The following SYNE3 variants were observed in gnomAD, a reference collection of about 807,000 sequenced individuals.
SYNE3 encodes the protein nesprin-3.
In SYNE3, 100 loss-of-function variants were observed where a neutral mutation model predicts 111.2. That is an observed-to-expected ratio of 0.90 (90% CI 0.77 to 1.06). The LOEUF (loss-of-function observed/expected upper bound fraction) is 1.06, where lower values mean the gene tolerates loss of function less well. Among genes scored for constraint, SYNE3 ranks in the 50% least tolerant of loss-of-function variants. The pLI is 0.00. For synonymous variants in SYNE3, 547 were observed against 533.9 expected, an observed-to-expected ratio of 1.02 and a Z score of -0.34; for missense variants, 1,160 against 1,240.3, an observed-to-expected ratio of 0.94 and a Z score of 0.97.
At chr14:95,444,191 T>C (rs999042833) in intron 10 of SYNE3, 1 of 446,960 alleles carries the variant, frequency 2.2e-6, no homozygotes, top group Non-Finnish European at 3.9e-6. Flanking sequence ...TCATTAAGAA[T>C]ACTTAGCAAA....
intron 1 of SYNE3, among the ~76,000 whole-genome samples, 122 bp downstream of exon 1, chr14:95,516,474 T>C (rs904688782): frequency 5.3e-5 from 8 of 151,226 alleles, no homozygotes; most frequent in African/African-American, 1.9e-4. Flanking sequence ...CCCCAGACTT[T>C]CGGCGCCCCC....
intron 17 of SYNE3, among the ~76,000 whole-genome samples, chr14:95,427,243 A>G (rs563536533): frequency 1.3e-5 from 2 of 152,180 alleles, no homozygotes; most frequent in South Asian, 4.1e-4. Context: ...ATTGTCAAGC[A>G]GACCGTGGTC....
At chr14:95,458,384 G>A (rs1001310562) in intron 4 of SYNE3, among the ~76,000 whole-genome samples, 1 of 152,196 alleles carries the variant, frequency 6.6e-6, no homozygotes, top group African/African-American at 2.4e-5. Context: ...CATCCATATG[G>A]TATGGTTAAT....
In SYNE3 at chr14:95,467,877, G is replaced by T. The variant is rs767609293; in HGVS notation, c.235C>A (p.Gln79Lys). The T allele has an allele frequency of 7.4e-6, 12 of 1,614,188 alleles. 1 individual carries two copies. The highest frequency in any genetic ancestry group is 3.3e-4 in the Middle Eastern group (2 of 6,062). ...EALLACCPGD[Q>K]KPGILARLKD... ...AGCCGGGCCAGGATCCCGGGCTTCTGGTCCCCAGGGCAGCATGCCAAGAGG... is the reference window on the plus strand; with the variant it reads ...AGCCGGGCCAGGATCCCGGGCTTCTTGTCCCCAGGGCAGCATGCCAAGAGG... The change falls in exon 3 of 18, where the codon CAG (glutamine) becomes AAG (lysine). Residue 79 changes from glutamine to lysine, a missense_variant. Physicochemically the swap from Gln to Lys is moderately conservative, Grantham distance 53. Coordinates refer to ENST00000682763, the MANE Select transcript of SYNE3 (RefSeq NM_152592.6).
intron 1 of SYNE3, among the ~76,000 whole-genome samples, chr14:95,492,861 A>T (rs568915436): frequency 6.6e-6 from 1 of 152,060 alleles, no homozygotes; most frequent in African/African-American, 2.4e-5. Context: ...ATTTTTTTTT[A>T]AAGCACTGAA....
chr14:95,481,442 C>A (rs750902853), intron 1 of SYNE3, among the ~76,000 whole-genome samples: 11 of 152,144 alleles, frequency 7.2e-5, no homozygotes, highest in Non-Finnish European at 1.2e-4. Context: ...AGAGATCAAC[C>A]CCTACGCTAG....
intron 8 of SYNE3, among the ~76,000 whole-genome samples, chr14:95,448,744 C>T (rs962818967): frequency 3.9e-5 from 6 of 152,290 alleles, no homozygotes; most frequent in Admixed American, 2.0e-4. Context: ...AAGCCCCAAG[C>T]GGAAAATCAC....
rs553048913 is a variant in SYNE3, at chr14:95,485,288, G to T, written c.-14-9453C>A. On this transcript the variant is annotated intron_variant, in intron 1 of 17. Transcript: ENST00000682763. The surrounding 1 kb of genome is among the most constrained non-coding windows in gnomAD (Gnocchi z 4.3). ...TGCATCAGTCACTTCTGTTTCTGAA[G>T]AGCAGAGCAGGCTTCCTCCTCTTGG... Among the ~76,000 whole-genome samples the T allele has an allele frequency of 2.0e-5, 3 of 152,304 alleles. No homozygotes were observed. Among genetic ancestry groups the T allele is most frequent in the African/African-American group, 7.2e-5 (3 of 41,548 alleles).
In SYNE3 at chr14:95,417,873, GGGCGAAGTTGTT is replaced by G. The variant is rs1187443046; in HGVS notation, c.2869_2880del (p.Asn957_Ala960del). On this transcript the variant is annotated inframe_deletion, in exon 18 of 18. Transcript: ENST00000682763. ...TAGCGCAGCATGAGCGTGAAGGAGC[GGGCGAAGTTGTT>G]GGCCAGGGTGCAGCTGCGGTCCTCT... is the stretch of plus-strand genomic sequence containing the variant. 1.9e-6 allele frequency: 3 copies of G among 1,614,238 alleles called. No homozygotes were observed. The East Asian group carries it at 6.7e-5, about 36-fold the overall frequency.
rs1253427551 is a variant in SYNE3, at chr14:95,415,632, T to C, written c.*2194A>G. Reference sequence around the variant, plus strand: ...GGATGGAGAGTCTACAGGGCTTGTTTTCCAAAGAAAAGTGTTGTTTGGAGG... The same window carrying C: ...GGATGGAGAGTCTACAGGGCTTGTTCTCCAAAGAAAAGTGTTGTTTGGAGG... On this transcript the variant is annotated 3_prime_UTR_variant, in exon 18 of 18. Transcript: ENST00000682763. 6.6e-6 allele frequency: 1 copy of C among 151,980 alleles called. No homozygotes were observed. Among genetic ancestry groups the C allele is most frequent in the African/African-American group, 2.4e-5 (1 of 41,350 alleles). 9.4% of individuals were successfully genotyped at this position (151,980 alleles called of 1,614,324 possible). A position where few individuals can be genotyped will look rare whatever the true frequency, so the allele number is the denominator to read the frequency against.
chr14:95,435,622 A>AG (rs556605632), intron 15 of SYNE3, among the ~76,000 whole-genome samples: 3 of 152,140 alleles, frequency 2.0e-5, no homozygotes, highest in Non-Finnish European at 4.4e-5. Context: ...AGAAAAAAAA[A>AG]TAAGGTTAGA....
chr14:95,453,283 G>A (rs189682535), intron 6 of SYNE3, among the ~76,000 whole-genome samples: 1 of 152,318 alleles, frequency 6.6e-6, no homozygotes, highest in East Asian at 1.9e-4. Context: ...AATCCCAGGA[G>A]GCAGCCTTGT....
At chr14:95,445,662 G>A (rs1370505224) in intron 9 of SYNE3, among the ~76,000 whole-genome samples, 2 of 152,244 alleles carry the variant, frequency 1.3e-5, no homozygotes, top group African/African-American at 2.4e-5. Context: ...TGATTGCAGG[G>A]GGTTTGGGGA....
chr14:95,449,864 A>G, intron 8 of SYNE3, 67 bp downstream of exon 8: 1 of 1,514,802 alleles, frequency 6.6e-7, no homozygotes, highest in Non-Finnish European at 8.9e-7. Flanking sequence ...CCTGGGAGAG[A>G]GACTGAAACA....
At chr14:95,473,208 T>G (rs1888642131) in intron 2 of SYNE3, among the ~76,000 whole-genome samples, 1 of 152,090 alleles carries the variant, frequency 6.6e-6, no homozygotes, top group African/African-American at 2.4e-5. Context: ...CCCCTCTGCC[T>G]GGACTCCCAC....
chr14:95,491,268 G>A (rs1434736897), intron 1 of SYNE3, among the ~76,000 whole-genome samples: 7 of 152,092 alleles, frequency 4.6e-5, no homozygotes, highest in African/African-American at 9.7e-5. Context: ...TAGCTGTGCC[G>A]TTTTATGGAT....
At chr14:95,421,346 A>G (rs959428924) in intron 17 of SYNE3, among the ~76,000 whole-genome samples, 1 of 152,132 alleles carries the variant, frequency 6.6e-6, no homozygotes, top group African/African-American at 2.4e-5. Flanking sequence ...GATGAATCTG[A>G]GACTCCAGAT....
At chr14:95,426,943 C>CAAAAA (rs574423106) in intron 17 of SYNE3, among the ~76,000 whole-genome samples, 4 of 104,858 alleles carry the variant, frequency 3.8e-5, no homozygotes, top group African/African-American at 1.3e-4. Context: ...GACTCCATCT[C>CAAAAA]AAAAAAAAAA....
intron 1 of SYNE3, among the ~76,000 whole-genome samples, chr14:95,484,615 C>A (rs371860671): frequency 1.2e-4 from 19 of 152,348 alleles, no homozygotes; most frequent in African/African-American, 4.6e-4. Context: ...CCAGTCAATG[C>A]AGCGGGGTTG....
Sources: allele counts gnomAD v4.1 joint callset (sites outside exome capture counted in the v4.1 genomes callset), GRCh38; gene constraint gnomAD v4.1.1; non-coding constraint Gnocchi (gnomAD v3.1); transcripts MANE v1.5; gene names NCBI Gene and HGNC (gene_info 2026-07-23, HGNC 2026-07-21).